Variants in CNTN5 observed in about 807,000 individuals in gnomAD.
CNTN5 encodes contactin-5.
In CNTN5, 77 loss-of-function variants were observed where a neutral mutation model predicts 129.1. The observed-to-expected ratio is 0.60, with a 90% CI of 0.50 to 0.72. The LOEUF (loss-of-function observed/expected upper bound fraction) is 0.72, where lower values mean the gene tolerates loss of function less well. CNTN5 is among the 30% of genes least tolerant of loss of function. The probability of loss-of-function intolerance (pLI) is 0.00; values close to 1 mark genes in which losing one functional copy is unlikely to be tolerated. For synonymous variants in CNTN5, 509 were observed against 465.6 expected (o/e 1.09, Z -1.20); for missense variants, 1,478 against 1,328.8 (o/e 1.11, Z -1.75).
chr11:99,149,389 A>C (rs1859938940), intron 1 of CNTN5, among the ~76,000 whole-genome samples: 1 of 152,182 alleles, frequency 6.6e-6, no homozygotes, highest in African/African-American at 2.4e-5. Flanking sequence ...AATAATATGA[A>C]AGAAATGTTT....
intron 7 of CNTN5, among the ~76,000 whole-genome samples, chr11:99,931,795 A>G (rs1950198742): frequency 6.6e-6 from 1 of 152,236 alleles, no homozygotes; most frequent in Admixed American, 6.5e-5. Context: ...GGCAGGAAGA[A>G]AGAAATGGGG....
intron 2 of CNTN5, among the ~76,000 whole-genome samples, chr11:99,468,596 A>G (rs1945038060): frequency 6.6e-6 from 1 of 151,900 alleles, no homozygotes; most frequent in Admixed American, 6.6e-5. Context: ...TTTCCACTCA[A>G]ATTCTTTCCA....
chr11:99,318,455 A>C (rs1338634809), intron 1 of CNTN5, among the ~76,000 whole-genome samples: 2 of 152,236 alleles, frequency 1.3e-5, no homozygotes, highest in Non-Finnish European at 2.9e-5. Context: ...GATTCATGTC[A>C]AAACAAAAAC....
At chr11:100,037,169 T>A (rs1942067150) in intron 9 of CNTN5, among the ~76,000 whole-genome samples, 1 of 119,514 alleles carries the variant, frequency 8.4e-6, no homozygotes, top group Non-Finnish European at 1.7e-5. Flanking sequence ...TTAAGAGTTT[T>A]TAGCATGAAG....
chr11:99,446,666 A>T (rs1386114157), intron 2 of CNTN5, among the ~76,000 whole-genome samples: 9 of 152,224 alleles, frequency 5.9e-5, no homozygotes, highest in African/African-American at 2.2e-4. Context: ...GCAAGGTTTT[A>T]TCCGAATGAA....
At chr11:99,114,836 C>T (rs546340098) in intron 1 of CNTN5, among the ~76,000 whole-genome samples, 1 of 152,128 alleles carries the variant, frequency 6.6e-6, no homozygotes, top group South Asian at 2.1e-4. Context: ...TCAAACAATC[C>T]GTGTTATAGA....
chr11:99,339,550 C>T (rs754061213), intron 2 of CNTN5, among the ~76,000 whole-genome samples: 4 of 151,934 alleles, frequency 2.6e-5, no homozygotes, highest in Admixed American at 6.6e-5. Context: ...GAGGCCGAGA[C>T]GGGTGGATCA....
At chr11:99,567,950 C>T (rs1366045979) in intron 3 of CNTN5, among the ~76,000 whole-genome samples, 3 of 152,050 alleles carry the variant, frequency 2.0e-5, no homozygotes, top group Non-Finnish European at 4.4e-5. Context: ...ATAATTGTCA[C>T]AAATTCCTGG....
At position 99,708,010 on chromosome 11, in the gene CNTN5, ATACT is replaced by A. The variant is rs143803326; in HGVS notation, c.56-111528_56-111525del. On this transcript the variant is annotated intron_variant, in intron 3 of 24. Transcript: ENST00000524871. ...GGATAGGTCTGCAGATATTATTAAT[ATACT>A]TACTTGATCACTAAATTGCTCTGTA... 6.0e-3 allele frequency among the ~76,000 whole-genome samples: 913 copies of A among 151,774 alleles called. 13 individuals are homozygous for A. The highest frequency in any genetic ancestry group is 0.021 in the African/African-American group (882 of 41,496).
intron 2 of CNTN5, among the ~76,000 whole-genome samples, chr11:99,349,357 T>G (rs571048024): frequency 1.3e-5 from 2 of 152,156 alleles, no homozygotes; most frequent in Admixed American, 6.5e-5. Flanking sequence ...GAGATATAGA[T>G]AGATTGGCCA....
intron 3 of CNTN5, among the ~76,000 whole-genome samples, chr11:99,568,306 A>G (rs1949071143): frequency 6.6e-6 from 1 of 152,202 alleles, no homozygotes; most frequent in Non-Finnish European, 1.5e-5. Flanking sequence ...CTTTATTATT[A>G]TAAAGTAATG....
chr11:99,961,019 A>G (rs1172975462), intron 8 of CNTN5, among the ~76,000 whole-genome samples: 1 of 151,916 alleles, frequency 6.6e-6, no homozygotes, highest in Non-Finnish European at 1.5e-5. Flanking sequence ...CCCAACCAAC[A>G]TGGAGAAAAC....
intron 2 of CNTN5, among the ~76,000 whole-genome samples, chr11:99,394,401 C>T (rs1165677364): frequency 6.6e-6 from 1 of 151,510 alleles, no homozygotes. Flanking sequence ...TTTCACCCTC[C>T]AAACTGTAAA....
chr11:100,094,763 GGAAA>G (rs1168157305), intron 13 of CNTN5, among the ~76,000 whole-genome samples: 246 of 95,076 alleles, frequency 2.6e-3, no homozygotes, highest in African/African-American at 9.5e-3. Context: ...GAGGGAGGGA[GGAAA>G]GGAAGGAAGG....
intron 13 of CNTN5, 82 bp downstream of exon 13, chr11:100,074,376 A>G: frequency 1.8e-6 from 2 of 1,136,270 alleles, no homozygotes; most frequent in Non-Finnish European, 1.3e-6. Context: ...TGCAAGAAAG[A>G]GTCTTGCAGT....
intron 2 of CNTN5, among the ~76,000 whole-genome samples, chr11:99,389,306 A>G (rs562343817): frequency 2.6e-5 from 4 of 152,074 alleles, no homozygotes; most frequent in Admixed American, 2.6e-4. Context: ...GGGATTGCAG[A>G]CGTGAGCCAC....
intron 2 of CNTN5, among the ~76,000 whole-genome samples, chr11:99,342,125 G>C (rs923093475): frequency 6.6e-6 from 1 of 152,016 alleles, no homozygotes; most frequent in African/African-American, 2.4e-5. Context: ...GTTAGTCTCA[G>C]AAAGATATGG....
At chr11:99,506,610 T>G (rs111507500) in intron 2 of CNTN5, among the ~76,000 whole-genome samples, 1 of 151,586 alleles carries the variant, frequency 6.6e-6, no homozygotes, top group Non-Finnish European at 1.5e-5. Flanking sequence ...AAGTGTGTGT[T>G]TTTTCTCTTC....
chr11:99,904,741 A>C (rs1401547674), intron 6 of CNTN5, among the ~76,000 whole-genome samples: 1 of 152,260 alleles, frequency 6.6e-6, no homozygotes, highest in East Asian at 1.9e-4. Flanking sequence ...TGGTTGAACT[A>C]ATTTACACTC....
Sources: gnomAD v4.1 joint callset for allele counts (sites outside exome capture counted in the v4.1 genomes callset) on GRCh38, gnomAD v4.1.1 for gene constraint, MANE v1.5 for transcripts, NCBI Gene and HGNC (gene_info 2026-07-23, HGNC 2026-07-21) for gene names.